CPNE3: variants seen among roughly 807,000 people sequenced by gnomAD.
The protein encoded by CPNE3 is copine-3.
Under a neutral mutation model 63.9 loss-of-function variants are expected in CPNE3, and 68 were observed. The ratio of observed to expected loss-of-function variants is 1.06; its 90% confidence interval spans 0.87 to 1.30. CPNE3 has a LOEUF of 1.30. CPNE3 is among the 50% of genes most tolerant of loss of function. CPNE3 has a pLI of 0.00. For synonymous variants in CPNE3, 219 were observed against 197.5 expected, an observed-to-expected ratio of 1.11 and a Z score of -0.91; for missense variants, 665 against 578.1, an observed-to-expected ratio of 1.15 and a Z score of -1.54.
Position 86,540,265 on chromosome 8 carries a change from T to C in CPNE3, c.564T>C (p.Asn188=). The change falls in exon 8 of 17, where the codon AAT becomes AAC. Residue 188 remains asparagine (N), a synonymous_variant. Transcript: ENST00000517490. The stretch of plus-strand genomic sequence containing the variant: ...TATAGGTTGTTAAAAACAACTTGAA[T>C]CCTGTTTGGAGGCCTTTCAAGATCT... The part of the protein sequence containing the change: ...HRTEVVKNNL[N]PVWRPFKISL... 1 of 1,610,010 alleles carries C rather than the reference T, an allele frequency of 6.2e-7. No homozygotes were observed. Among genetic ancestry groups the C allele is most frequent in the Non-Finnish European group, 8.5e-7 (1 of 1,177,506 alleles).
rs776782136 is a variant in CPNE3 at position 86,528,954 on chromosome 8, A to G, written c.142A>G (p.Thr48Ala). Residue 48 changes from threonine (T) to alanine (A), a missense_variant, in exon 4 of 17, where the codon ACA becomes GCA. Transcript: ENST00000517490. ...TTGCGGATGGGTGTAGGTTGAGCGC[A>G]CAGAAAGGATTAAGAATTGCTTGAA... ...SGQQWYEVERTERIKNCLNPQ... is the reference protein window; with the variant it reads ...SGQQWYEVERAERIKNCLNPQ... The G allele has an allele frequency of 1.2e-6, 2 of 1,612,662 alleles. No individual in the cohort carries two copies. The highest frequency in any genetic ancestry group is 2.7e-5 in the African/African-American group (2 of 74,892).
intron 6 of CPNE3, among the ~76,000 whole-genome samples, chr8:86,536,268 T>G (rs950631477): frequency 6.8e-6 from 1 of 147,726 alleles, no homozygotes; most frequent in African/African-American, 2.5e-5. Context: ...GTATTTATGT[T>G]CCCCACCCCC....
Position 86,558,342 on chromosome 8 carries a change from G to T in CPNE3, c.1546G>T (p.Val516Leu). The T allele has an allele frequency of 1.1e-6, 1 of 872,932 alleles. No homozygotes were observed. Among genetic ancestry groups the T allele is most frequent in the South Asian group, 1.3e-5 (1 of 76,534 alleles). The allele number at this position is 872,932 out of a possible 1,614,324, so 54.1% of individuals were successfully genotyped here. A position where few individuals can be genotyped will look rare whatever the true frequency, so the allele number is the denominator to read the frequency against. The part of the protein sequence containing the change: ...CVLAEIPQQV[V>L]GYFNTYKLLP... ...CTTGGCAGAGATTCCCCAGCAGGTG[G>T]TGGGCTACTTCAATACATACAAACT... The change falls in exon 17 of 17, where the codon GTG becomes TTG. Residue 516 changes from valine (V) to leucine (L), a missense_variant. Val to Leu is a conservative substitution (Grantham distance 32). Coordinates refer to ENST00000517490, the MANE Select transcript of CPNE3 (RefSeq NM_003909.5).
chr8:86,547,511 C>T, intron 10 of CPNE3, 200 bp from the exon 11 acceptor site: 1 of 505,736 alleles, frequency 2.0e-6, no homozygotes, highest in Non-Finnish European at 3.5e-6. Flanking sequence ...CTTAACATTG[C>T]TACAATTATC....
chr8:86,549,740 G>C (rs1249253186), intron 12 of CPNE3, among the ~76,000 whole-genome samples: 1 of 152,202 alleles, frequency 6.6e-6, no homozygotes, highest in Non-Finnish European at 1.5e-5. Context: ...TCAATTCACA[G>C]CTTCCCTCCG....
chr8:86,540,628 A>G (rs1367605780), intron 8 of CPNE3, among the ~76,000 whole-genome samples: 1 of 151,582 alleles, frequency 6.6e-6, no homozygotes, highest in East Asian at 2.0e-4. Flanking sequence ...TTTTCCTTTT[A>G]ATAAGATTCC....
In CPNE3 at chr8:86,548,303, G is replaced by A. The variant is rs1359065715; in HGVS notation, c.882G>A (p.Val294=). 1 of 1,613,808 alleles carries A rather than the reference G, an allele frequency of 6.2e-7. No individual in the cohort carries two copies. The highest frequency in any genetic ancestry group is 1.3e-5 in the African/African-American group (1 of 74,918). ...GGGCTGCAATTGTTATTTGGCAGGT[G>A]GGAGTGGACTTCACTGGCTCCAATG... The part of the protein sequence containing the change: ...IMGGCQLNFT[V]GVDFTGSNGD... Residue 294 remains valine, a splice_region_variant and synonymous_variant, in exon 12 of 17, where the codon GTG becomes GTA. Coordinates refer to ENST00000517490, the MANE Select transcript of CPNE3 (RefSeq NM_003909.5).
At chr8:86,529,331 C>T (rs1820617695) in intron 4 of CPNE3, among the ~76,000 whole-genome samples, 1 of 152,052 alleles carries the variant, frequency 6.6e-6, no homozygotes, top group Admixed American at 6.5e-5. Context: ...TATGAAAAAG[C>T]CTGTTAATTC....
chr8:86,550,078 A>G (rs1821139921), intron 12 of CPNE3, among the ~76,000 whole-genome samples: 1 of 152,248 alleles, frequency 6.6e-6, no homozygotes, highest in South Asian at 2.1e-4. Flanking sequence ...AAAGTTTTAG[A>G]AGAAAGTGTA....
At chr8:86,537,408 T>TC (rs1820823333) in intron 6 of CPNE3, among the ~76,000 whole-genome samples, 155 bp from the exon 7 acceptor site, 1 of 152,202 alleles carries the variant, frequency 6.6e-6, no homozygotes, top group Admixed American at 6.5e-5. Flanking sequence ...TCCGTAAGTT[T>TC]CTAAGTTAGG....
intron 15 of CPNE3, among the ~76,000 whole-genome samples, chr8:86,555,473 A>G (rs1186804855): frequency 6.6e-6 from 1 of 152,186 alleles, no homozygotes; most frequent in Non-Finnish European, 1.5e-5. Context: ...TAATTCATAT[A>G]AAGTACACAA....
chr8:86,531,279 A>T lies in CPNE3; in HGVS notation c.387+50A>T, dbSNP rs76425775. The stretch of plus-strand genomic sequence containing the variant: ...GTCTCAAAAGATTTAGCATAACAGG[A>T]CATGCCGAAACTGTCCATATCAGAG... On this transcript the variant is annotated intron_variant, in intron 5 of 16. Transcript: ENST00000517490. 1,003 of 838,726 alleles carry T rather than the reference A, an allele frequency of 1.2e-3. 7 individuals carry two copies. In the African/African-American group the frequency reaches 0.015, roughly 12 times the overall value. 52.0% of individuals were successfully genotyped at this position (838,726 alleles called of 1,614,324 possible).
chr8:86,540,863 C>T (rs919165400), intron 8 of CPNE3, among the ~76,000 whole-genome samples: 2 of 151,996 alleles, frequency 1.3e-5, no homozygotes, highest in Non-Finnish European at 2.9e-5. Context: ...GGAGTATGAA[C>T]AGCAAATAGC....
At chr8:86,530,828 A>T (rs937884539) in intron 4 of CPNE3, among the ~76,000 whole-genome samples, 3 of 151,604 alleles carry the variant, frequency 2.0e-5, no homozygotes, top group Admixed American at 2.0e-4. Context: ...AGTAGCTGGG[A>T]TTACAGGCAC....
chr8:86,541,061 G>A (rs997187886), intron 8 of CPNE3, among the ~76,000 whole-genome samples: 1 of 152,086 alleles, frequency 6.6e-6, no homozygotes, highest in African/African-American at 2.4e-5. Context: ...TCTTTTTTAT[G>A]TTCAGACTTC....
At chr8:86,547,670 T>C in intron 10 of CPNE3, 41 bp from the exon 11 acceptor site, 1 of 852,690 alleles carries the variant, frequency 1.2e-6, no homozygotes, top group Non-Finnish European at 2.0e-6. Flanking sequence ...TTCTCTTGTA[T>C]AGTAGGAGAG....
chr8:86,528,479 A>G lies in CPNE3; in HGVS notation c.-10-57A>G, dbSNP rs528378076. On this transcript the variant is annotated intron_variant, in intron 2 of 16. Coordinates refer to ENST00000517490, the MANE Select transcript of CPNE3 (RefSeq NM_003909.5). ...AAGTCACCTGTTTTTGTTAGGAATG[A>G]GTGTGCTTCTTAAAGGCACTGTTTT... The G allele has an allele frequency of 2.3e-5, 36 of 1,589,580 alleles. No individual in the cohort carries two copies. In the African/African-American group the frequency reaches 4.5e-4, roughly 20 times the overall value.
Position 86,531,616 on chromosome 8 carries a change from A to G in CPNE3, c.387+387A>G, listed in dbSNP as rs79225353. Among the ~76,000 whole-genome samples, 207 of 152,246 alleles carry G rather than the reference A, an allele frequency of 1.4e-3. 1 individual carries two copies. Among genetic ancestry groups the G allele is most frequent in the South Asian group, 4.6e-3 (22 of 4,828 alleles). On this transcript the variant is annotated intron_variant, in intron 5 of 16. Coordinates refer to ENST00000517490, the MANE Select transcript of CPNE3 (RefSeq NM_003909.5). ...ACAGAAATTTTCCCTAGTGGATTTT[A>G]TTCCAGAAGGATGTTATATTATGAC...
chr8:86,552,962 G>T (rs1252237295), intron 14 of CPNE3, among the ~76,000 whole-genome samples: 1 of 3,498 alleles, frequency 2.9e-4, no homozygotes, highest in Non-Finnish European at 9.8e-4. Flanking sequence ...GCCACAGCCC[G>T]CCCCCCCCCC....
Sources: gnomAD v4.1 joint callset for allele counts (sites outside exome capture counted in the v4.1 genomes callset) on GRCh38, gnomAD v4.1.1 for gene constraint, MANE v1.5 for transcripts, NCBI Gene and HGNC (gene_info 2026-07-23, HGNC 2026-07-21) for gene names.